Variants in NPAS3 observed in about 807,000 individuals in gnomAD.
The protein encoded by NPAS3 is neuronal PAS domain-containing protein 3.
NPAS3 carries 14 observed loss-of-function variants against 73.1 expected under a neutral mutation model. The ratio of observed to expected loss-of-function variants is 0.19; its 90% CI spans 0.13 to 0.30. NPAS3 has a LOEUF of 0.30. Among genes scored for constraint, NPAS3 ranks in the 10% least tolerant of loss-of-function variants. The probability of loss-of-function intolerance (pLI) is 1.00; values close to 1 mark genes in which losing one functional copy is unlikely to be tolerated. For missense variants in NPAS3, 1,096 were observed against 1,250.0 expected (o/e 0.88, Z 1.86); for synonymous variants, 620 against 541.5 (o/e 1.14, Z -2.01).
chr14:33,686,039 A>T (rs773225712), intron 6 of NPAS3, among the ~76,000 whole-genome samples: 2 of 152,236 alleles, frequency 1.3e-5, no homozygotes, highest in Non-Finnish European at 2.9e-5. Flanking sequence ...GAAGGAGGAG[A>T]TAGTGCTGCT....
chr14:33,319,640 G>A (rs1156807649), intron 3 of NPAS3, among the ~76,000 whole-genome samples: 1 of 151,018 alleles, frequency 6.6e-6, no homozygotes, highest in East Asian at 2.0e-4. Flanking sequence ...GCTCTATGGG[G>A]TTGGAAAAAA....
At chr14:33,762,082 C>A (rs1308379524) in intron 7 of NPAS3, among the ~76,000 whole-genome samples, 1 of 152,204 alleles carries the variant, frequency 6.6e-6, no homozygotes, top group African/African-American at 2.4e-5. Context: ...GGCATTATAA[C>A]TGCAGTATAA....
chr14:33,106,589 T>G (rs949857921), intron 2 of NPAS3, among the ~76,000 whole-genome samples: 5 of 152,204 alleles, frequency 3.3e-5, no homozygotes, highest in Non-Finnish European at 2.9e-5. Flanking sequence ...GAGACCACCT[T>G]AGTCTTCCAC....
chr14:33,093,860 A>G lies in NPAS3; in HGVS notation c.140+37866A>G, dbSNP rs546291335. Among the ~76,000 whole-genome samples the G allele has an allele frequency of 1.9e-4, 29 of 152,212 alleles. 1 individual carries two copies. The South Asian group carries it at 6.0e-3, about 32-fold the overall frequency. The stretch of plus-strand genomic sequence containing the variant: ...TAGAAACCATCATTCTGAGCAAAGT[A>G]TCACAAGGAGAACAAACCAAATACC... On this transcript the variant is annotated intron_variant, in intron 2 of 11. Transcript: ENST00000356141.
intron 5 of NPAS3, among the ~76,000 whole-genome samples, chr14:33,616,223 G>A (rs2057912961): frequency 6.6e-6 from 1 of 152,218 alleles, no homozygotes; most frequent in Non-Finnish European, 1.5e-5. Flanking sequence ...GAGCTAGAAA[G>A]AGTCGATGCA....
chr14:33,576,059 G>A (rs551065909), intron 5 of NPAS3, among the ~76,000 whole-genome samples: 3 of 152,196 alleles, frequency 2.0e-5, no homozygotes, highest in African/African-American at 7.2e-5. Context: ...TATTTAAATG[G>A]AATGTGTAAA....
chr14:33,482,283 C>A (rs1427627501), intron 4 of NPAS3, among the ~76,000 whole-genome samples: 3 of 152,022 alleles, frequency 2.0e-5, no homozygotes, highest in Admixed American at 6.6e-5. Context: ...CACATTCGAA[C>A]CTTTAGATAA....
chr14:33,037,526 T>C (rs1438634362), intron 1 of NPAS3, among the ~76,000 whole-genome samples: 1 of 150,574 alleles, frequency 6.6e-6, no homozygotes, highest in African/African-American at 2.4e-5. Flanking sequence ...ATTAGGTTGG[T>C]GTGGTGTTGC....
chr14:33,513,850 C>T (rs895393326), intron 4 of NPAS3, among the ~76,000 whole-genome samples: 18 of 152,054 alleles, frequency 1.2e-4, no homozygotes, highest in Admixed American at 9.8e-4. Flanking sequence ...TTTTACTAGC[C>T]GCGATGAATG....
intron 6 of NPAS3, among the ~76,000 whole-genome samples, chr14:33,729,922 T>C (rs1478877369): frequency 6.6e-6 from 1 of 152,202 alleles, no homozygotes; most frequent in African/African-American, 2.4e-5. Flanking sequence ...GGATAATTTC[T>C]ATGAGAAAGA....
chr14:33,147,288 A>G (rs1298551701), intron 2 of NPAS3, among the ~76,000 whole-genome samples: 1 of 152,162 alleles, frequency 6.6e-6, no homozygotes, highest in East Asian at 1.9e-4. Flanking sequence ...TTTCTTTCTC[A>G]TTAGATAATC....
chr14:33,490,595 G>A (rs1162342936), intron 4 of NPAS3, among the ~76,000 whole-genome samples: 1 of 152,128 alleles, frequency 6.6e-6, no homozygotes, highest in African/African-American at 2.4e-5. Context: ...TCTGCAACCA[G>A]ACCTCGTTGG....
At chr14:33,259,391 C>G (rs546229259) in intron 3 of NPAS3, among the ~76,000 whole-genome samples, 3 of 152,284 alleles carry the variant, frequency 2.0e-5, no homozygotes, top group East Asian at 1.9e-4. Context: ...AACTACCAAT[C>G]AAATCCTTGG....
intron 2 of NPAS3, among the ~76,000 whole-genome samples, chr14:33,176,286 A>G (rs1307664657): frequency 6.6e-6 from 1 of 152,246 alleles, no homozygotes; most frequent in East Asian, 1.9e-4. Flanking sequence ...CTACATTCAC[A>G]GTGTTGTGCA....
intron 6 of NPAS3, among the ~76,000 whole-genome samples, chr14:33,699,883 A>G (rs1283977525): frequency 6.6e-6 from 1 of 152,050 alleles, no homozygotes; most frequent in East Asian, 1.9e-4. Context: ...AACAGGGGGG[A>G]AAGAATTCCA....
chr14:33,607,681 CTAATAGGATTG>C (rs386776278), intron 5 of NPAS3, among the ~76,000 whole-genome samples: 31 of 152,248 alleles, frequency 2.0e-4, no homozygotes, highest in African/African-American at 5.8e-4. Context: ...AGTTGTACCT[CTAATAGGATTG>C]TTAGGAACAT....
chr14:33,159,932 T>C (rs2044798368), intron 2 of NPAS3, among the ~76,000 whole-genome samples: 1 of 152,208 alleles, frequency 6.6e-6, no homozygotes, highest in East Asian at 1.9e-4. Flanking sequence ...AAGACTGTGC[T>C]GGCTTATGAT....
At chr14:33,259,049 G>C (rs550293043) in intron 3 of NPAS3, among the ~76,000 whole-genome samples, 10 of 152,208 alleles carry the variant, frequency 6.6e-5, no homozygotes, top group Admixed American at 2.6e-4. Flanking sequence ...TCCTGACCTC[G>C]TGATCCGCCC....
chr14:33,320,550 C>T (rs976139559), intron 3 of NPAS3, among the ~76,000 whole-genome samples: 1 of 152,136 alleles, frequency 6.6e-6, no homozygotes, highest in Non-Finnish European at 1.5e-5. Context: ...AGCATCTCCT[C>T]CGACATGCTC....
Sources: gnomAD v4.1 joint callset for allele counts (sites outside exome capture counted in the v4.1 genomes callset) on GRCh38, gnomAD v4.1.1 for gene constraint, MANE v1.5 for transcripts, NCBI Gene and HGNC (gene_info 2026-07-23, HGNC 2026-07-21) for gene names.